Variants in KCNK10 observed in about 807,000 individuals in gnomAD.
The protein encoded by KCNK10 is potassium two pore domain channel subfamily K member 10, also known as potassium channel subfamily K member 10.
A neutral mutation model predicts 47.7 loss-of-function variants in KCNK10; 25 were observed. That is an observed-to-expected ratio of 0.52 (90% CI 0.38 to 0.73). The LOEUF (loss-of-function observed/expected upper bound fraction) is 0.73. Among genes scored for constraint, KCNK10 ranks in the 30% least tolerant of loss-of-function variants. The probability of loss-of-function intolerance (pLI) is 0.00; values close to 1 mark genes in which losing one functional copy is unlikely to be tolerated. For synonymous variants in KCNK10, 303 were observed against 285.6 expected (o/e 1.06, Z -0.61); for missense variants, 563 against 714.5 (o/e 0.79, Z 2.42).
intron 1 of KCNK10, chr14:88,270,647 C>A (rs1595116441): frequency 2.6e-6 from 2 of 774,032 alleles, no homozygotes; most frequent in East Asian, 4.9e-5. Context: ...ACAAGGCAGA[C>A]TGGGGGGAAG....
At position 88,323,105 on chromosome 14, in the gene KCNK10, G is replaced by A. The variant is rs1888584091; in HGVS notation, c.-307C>T. On this transcript the variant is annotated 5_prime_UTR_variant, in exon 1 of 7. Coordinates refer to ENST00000319231, the MANE Select transcript of KCNK10 (RefSeq NM_138317.3). ...GAGAGGAAGGCTTGGGGAGATGGAA[G>A]AGCCAAGCTGCTTCCCAAAAGCGGT... The A allele has an allele frequency of 2.0e-5, 24 of 1,201,988 alleles. No homozygotes were observed. Among genetic ancestry groups the A allele is most frequent in the Non-Finnish European group, 2.4e-5 (23 of 958,618 alleles). 74.5% of individuals were successfully genotyped at this position (1,201,988 alleles called of 1,614,324 possible).
chr14:88,294,745 G>T (rs1887951763), intron 1 of KCNK10, among the ~76,000 whole-genome samples: 1 of 152,164 alleles, frequency 6.6e-6, no homozygotes, highest in African/African-American at 2.4e-5. Context: ...TTAAGGATCA[G>T]TTCCAGACTT....
chr14:88,298,601 A>T (rs1888034331), intron 1 of KCNK10, among the ~76,000 whole-genome samples: 1 of 151,180 alleles, frequency 6.6e-6, no homozygotes, highest in Non-Finnish European at 1.5e-5. Context: ...TTTCTTTTTC[A>T]CTCCTCCAGT....
intron 4 of KCNK10, among the ~76,000 whole-genome samples, chr14:88,208,995 A>G (rs550123916): frequency 3.9e-5 from 6 of 152,202 alleles, no homozygotes; most frequent in African/African-American, 1.4e-4. Context: ...GATGTTGTTC[A>G]TGGTGAAATT....
chr14:88,258,649 C>A (rs903970852), intron 2 of KCNK10, among the ~76,000 whole-genome samples: 1 of 152,180 alleles, frequency 6.6e-6, no homozygotes, highest in Admixed American at 6.5e-5. Context: ...AGGAGTTCAG[C>A]AGCAATTCTG....
chr14:88,308,567 C>T (rs769988375), intron 1 of KCNK10, among the ~76,000 whole-genome samples: 16 of 152,242 alleles, frequency 1.1e-4, no homozygotes, highest in South Asian at 1.0e-3. Flanking sequence ...TGTGTGTGCA[C>T]GCGTGCACAC....
At chr14:88,293,641 T>C (rs12434331) in intron 1 of KCNK10, among the ~76,000 whole-genome samples, 31,791 of 151,672 alleles carry the variant, frequency 0.21, 3,984 homozygotes, top group East Asian at 0.53. Context: ...CAAACTAGCA[T>C]ACCCACTTCC....
At chr14:88,218,897 G>A (rs1270414989) in intron 4 of KCNK10, among the ~76,000 whole-genome samples, 1 of 152,106 alleles carries the variant, frequency 6.6e-6, no homozygotes, top group African/African-American at 2.4e-5. Flanking sequence ...ATTTCCCTGG[G>A]AACTCAGGAA....
At chr14:88,234,979 A>G in intron 3 of KCNK10, 1 of 388,314 alleles carries the variant, frequency 2.6e-6, no homozygotes, top group Non-Finnish European at 5.2e-6. Context: ...ATATCCAAGT[A>G]TAAAGGGGAG....
At chr14:88,233,468 C>A (rs923874218) in intron 3 of KCNK10, among the ~76,000 whole-genome samples, 1 of 152,182 alleles carries the variant, frequency 6.6e-6, no homozygotes, top group African/African-American at 2.4e-5. Flanking sequence ...CACTGGATTT[C>A]TTAGTCTAGA....
rs1201753122 is a variant in KCNK10, at chr14:88,287,673, TG to T, written c.53-24123del. ...CTTTTTATGGCTGAATAGTATTCCA[TG>T]GTGTGTGTGTGTGTGTGTGTGTGTG... On this transcript the variant is annotated intron_variant, in intron 1 of 6. Transcript: ENST00000319231. Among the ~76,000 whole-genome samples, 724 of 108,370 alleles carry T rather than the reference TG, an allele frequency of 6.7e-3. 5 individuals are homozygous for T. The highest frequency in any genetic ancestry group is 0.022 in the African/African-American group (682 of 30,336). The allele number at this position is 108,370 out of a possible 152,430, so 71.1% of individuals were successfully genotyped here.
chr14:88,319,006 C>G (rs190916195), intron 1 of KCNK10, among the ~76,000 whole-genome samples: 1 of 152,120 alleles, frequency 6.6e-6, no homozygotes, highest in Non-Finnish European at 1.5e-5. Flanking sequence ...AAATCATCAA[C>G]AAATGATGCT....
At chr14:88,275,910 A>G (rs1339527252) in intron 1 of KCNK10, among the ~76,000 whole-genome samples, 1 of 151,970 alleles carries the variant, frequency 6.6e-6, no homozygotes, top group Non-Finnish European at 1.5e-5. Flanking sequence ...CCGGTAGACC[A>G]AGGAGAGTCC....
intron 4 of KCNK10, among the ~76,000 whole-genome samples, chr14:88,221,330 C>A (rs1262292954): frequency 1.0e-5 from 1 of 95,958 alleles, no homozygotes. Context: ...AATAATAATA[C>A]ATTACACATT....
chr14:88,259,717 A>G (rs1374862893), intron 2 of KCNK10, among the ~76,000 whole-genome samples: 1 of 152,162 alleles, frequency 6.6e-6, no homozygotes, highest in Non-Finnish European at 1.5e-5. Flanking sequence ...TTGGCCCCCC[A>G]AGCTGCTGGG....
intron 1 of KCNK10, among the ~76,000 whole-genome samples, chr14:88,280,234 C>A (rs141828175): frequency 6.6e-6 from 1 of 152,174 alleles, no homozygotes; most frequent in Non-Finnish European, 1.5e-5. Flanking sequence ...CAGCAATATT[C>A]TGCACAGGAG....
chr14:88,324,658 T>C (rs997695244), upstream of KCNK10, among the ~76,000 whole-genome samples: 1 of 152,148 alleles, frequency 6.6e-6, no homozygotes. Flanking sequence ...GTTGTTGCCT[T>C]TACTTACGCA....
intron 4 of KCNK10, among the ~76,000 whole-genome samples, chr14:88,224,477 G>C (rs959471631): frequency 5.9e-5 from 9 of 152,166 alleles, no homozygotes; most frequent in Admixed American, 3.3e-4. Context: ...GCAACCAAAA[G>C]CATTTCTAAG....
chr14:88,282,186 A>G (rs905833220), intron 1 of KCNK10, among the ~76,000 whole-genome samples: 3 of 152,244 alleles, frequency 2.0e-5, no homozygotes, highest in African/African-American at 7.2e-5. Flanking sequence ...ATAGTTATTT[A>G]CTTAAAAAGG....
Sources: gnomAD v4.1 joint callset for allele counts (sites outside exome capture counted in the v4.1 genomes callset) on GRCh38, gnomAD v4.1.1 for gene constraint, MANE v1.5 for transcripts, NCBI Gene and HGNC (gene_info 2026-07-23, HGNC 2026-07-21) for gene names.